The following MIDEAS variants were observed in gnomAD, a reference collection of about 807,000 sequenced individuals.
The protein encoded by MIDEAS is mitotic deacetylase associated SANT domain protein.
MIDEAS carries 26 observed loss-of-function variants against 102.7 expected under a neutral mutation model. The observed-to-expected ratio is 0.25, with a 90% CI of 0.19 to 0.35. The LOEUF (loss-of-function observed/expected upper bound fraction) is 0.35, where lower values mean the gene tolerates loss of function less well. MIDEAS is among the 10% of genes least tolerant of loss of function. The probability of loss-of-function intolerance (pLI) is 1.00; values close to 1 mark genes in which losing one functional copy is unlikely to be tolerated. For missense variants in MIDEAS, 1,231 were observed against 1,435.6 expected, an observed-to-expected ratio of 0.86 and a Z score of 2.30; for synonymous variants, 585 against 591.0, an observed-to-expected ratio of 0.99 and a Z score of 0.15.
rs2053736467 is a variant in MIDEAS at position 73,779,939 on chromosome 14, C to T, written c.-248+7163G>A. Reference sequence around the variant, plus strand: ...CCAGGCTGGAGTGCAGTGGCACCATCTCAGCTCACTGCAAGCTCCTCCTCC... The same window carrying T: ...CCAGGCTGGAGTGCAGTGGCACCATTTCAGCTCACTGCAAGCTCCTCCTCC... On this transcript the variant is annotated intron_variant, in intron 1 of 11. Transcript: ENST00000394071. 2.0e-5 allele frequency among the ~76,000 whole-genome samples: 3 copies of T among 149,536 alleles called. 1 individual carries two copies. The Admixed American group carries it at 2.0e-4, about 10-fold the overall frequency.
At chr14:73,780,371 C>G (rs2053743899) in intron 1 of MIDEAS, among the ~76,000 whole-genome samples, 1 of 152,136 alleles carries the variant, frequency 6.6e-6, no homozygotes, top group African/African-American at 2.4e-5. Context: ...CTGTGCTGAC[C>G]ACAAGCATTT....
At position 73,715,448 on chromosome 14, in the gene MIDEAS, A is replaced by G. The variant is rs1393170702; in HGVS notation, c.*3395T>C. On this transcript the variant is annotated 3_prime_UTR_variant, in exon 13 of 13. Transcript: ENST00000423556. ...ATATACTTATTTATATGCTATTAAA[A>G]TATCTGTACAATAATTACAGACTGT... 6.6e-6 allele frequency: 1 copy of G among 152,636 alleles called. No individual in the cohort carries two copies. Among genetic ancestry groups the G allele is most frequent in the African/African-American group, 2.4e-5 (1 of 41,468 alleles). The allele number at this position is 152,636 out of a possible 1,614,324, so 9.5% of individuals were successfully genotyped here.
At chr14:73,736,526 G>A (rs143323973) in intron 3 of MIDEAS, among the ~76,000 whole-genome samples, 17 of 152,062 alleles carry the variant, frequency 1.1e-4, no homozygotes, top group Non-Finnish European at 2.1e-4. Flanking sequence ...AGCTACTCGG[G>A]AGGCTGAGGC....
Position 73,777,802 on chromosome 14 carries a change from G to A in MIDEAS, c.-248+9300C>T, listed in dbSNP as rs535437614. 5.9e-5 allele frequency among the ~76,000 whole-genome samples: 9 copies of A among 152,080 alleles called. No individual in the cohort carries two copies. The South Asian group carries it at 8.3e-4, about 14-fold the overall frequency. On this transcript the variant is annotated intron_variant, in intron 1 of 11. Coordinates refer to the MIDEAS transcript ENST00000394071. The stretch of plus-strand genomic sequence containing the variant: ...CCTGACATGCCTCTCTCTCCTGGCC[G>A]TGGTAGAAGTGGCCAGTCCTCTCCT...
rs760871901 is a variant in MIDEAS at position 73,740,053 on chromosome 14, C to T, written c.-45G>A. 8.4e-6 allele frequency: 12 copies of T among 1,426,060 alleles called. No individual in the cohort carries two copies. The highest frequency in any genetic ancestry group is 2.6e-5 in the Admixed American group (1 of 38,516). The allele number at this position is 1,426,060 out of a possible 1,614,324, so 88.3% of individuals were successfully genotyped here. ...TGGCGGTGAGATCCCCTTCAACAGT[C>T]GCCCATCCCCTGGGGAAACGTCCTG... is the stretch of plus-strand genomic sequence containing the variant. On this transcript the variant is annotated 5_prime_UTR_variant, in exon 2 of 13. Transcript: ENST00000423556.
At chr14:73,721,631 C>T in intron 10 of MIDEAS, 122 bp from the exon 11 acceptor site, 1 of 831,690 alleles carries the variant, frequency 1.2e-6, no homozygotes, top group Non-Finnish European at 2.0e-6. Context: ...GCTGGCCCAG[C>T]ATAGTCTTCT....
chr14:73,766,344 T>C (rs770413572), intron 1 of MIDEAS, among the ~76,000 whole-genome samples: 5 of 152,216 alleles, frequency 3.3e-5, no homozygotes, highest in Non-Finnish European at 7.3e-5. Context: ...TGAATGCCTG[T>C]TGATAAATGC....
chr14:73,759,270 A>G lies in MIDEAS; in HGVS notation c.-248+493T>C, dbSNP rs1017522393. ...GGCAGGGGAAGGGGCTCCCGCGCCA[A>G]GTTCCCTCAGCTGGCTAGCCCCTCG... On this transcript the variant is annotated intron_variant, in intron 1 of 12. Coordinates refer to ENST00000423556, the MANE Select transcript of MIDEAS (RefSeq NM_001367710.1). This position sits in a 1 kb window ranked among gnomAD's most constrained non-coding sequence, Gnocchi z 6.7. Among the ~76,000 whole-genome samples, 3 of 152,110 alleles carry G rather than the reference A, an allele frequency of 2.0e-5. No homozygotes were observed. Among genetic ancestry groups the G allele is most frequent in the African/African-American group, 7.2e-5 (3 of 41,442 alleles).
intron 1 of MIDEAS, among the ~76,000 whole-genome samples, chr14:73,749,907 C>T (rs977989401): frequency 1.3e-5 from 2 of 152,198 alleles, no homozygotes; most frequent in African/African-American, 4.8e-5. Flanking sequence ...TGGGTATCCC[C>T]TCTCCCAGAC....
upstream of MIDEAS, among the ~76,000 whole-genome samples, chr14:73,763,275 C>T (rs576396567): frequency 1.3e-5 from 2 of 152,134 alleles, no homozygotes; most frequent in Non-Finnish European, 2.9e-5. Context: ...GAGGTCAAGG[C>T]TGCAGTGAGT....
chr14:73,779,663 C>T (rs1211096080), intron 1 of MIDEAS, among the ~76,000 whole-genome samples: 3 of 143,152 alleles, frequency 2.1e-5, no homozygotes, highest in Non-Finnish European at 4.6e-5. Flanking sequence ...CTGCAAGCTC[C>T]GCTTCCCGGG....
At chr14:73,754,594 T>C (rs2053458688) in intron 1 of MIDEAS, among the ~76,000 whole-genome samples, 1 of 152,164 alleles carries the variant, frequency 6.6e-6, no homozygotes, top group African/African-American at 2.4e-5. Context: ...TCACCACCTC[T>C]CGGCTTCCCC....
upstream of MIDEAS, among the ~76,000 whole-genome samples, chr14:73,764,320 A>ACAG (rs2053575654): frequency 6.8e-6 from 1 of 147,592 alleles, no homozygotes; most frequent in Non-Finnish European, 1.5e-5. Context: ...AGCCTGGGCA[A>ACAG]CAGAGGGAGA....
rs554877068 is a variant in MIDEAS, at chr14:73,770,341, C to T, written c.-248+16761G>A. On this transcript the variant is annotated intron_variant, in intron 1 of 11. Coordinates refer to the MIDEAS transcript ENST00000394071. ...ATCAAGATGATTTATATAACAGTAA[C>T]GACGGTGATGATGATGATGACGATG... is the stretch of plus-strand genomic sequence containing the variant. Among the ~76,000 whole-genome samples the T allele has an allele frequency of 1.0e-4, 15 of 148,014 alleles. No homozygotes were observed. In the South Asian group the frequency reaches 3.4e-3, roughly 33 times the overall value.
Position 73,759,888 on chromosome 14 carries a change from G to T in MIDEAS, c.-373C>A, listed in dbSNP as rs1440652871. 1 of 151,914 alleles carries T rather than the reference G, an allele frequency of 6.6e-6. No homozygotes were observed. The highest frequency in any genetic ancestry group is 6.6e-5 in the Admixed American group (1 of 15,254). The allele number at this position is 151,914 out of a possible 1,614,324, so 9.4% of individuals were successfully genotyped here. A position where few individuals can be genotyped will look rare whatever the true frequency, so the allele number is the denominator to read the frequency against. On this transcript the variant is annotated 5_prime_UTR_variant, in exon 1 of 13. Transcript: ENST00000423556. The surrounding 1 kb of genome is among the most constrained non-coding windows in gnomAD (Gnocchi z 6.7). The stretch of plus-strand genomic sequence containing the variant: ...CTCCCGATTTTAAAAACAAACAGGC[G>T]CCGTCGCCTCCCCGCGGCGCTCGCG...
upstream of MIDEAS, among the ~76,000 whole-genome samples, chr14:73,788,110 T>G (rs1415549424): frequency 2.6e-5 from 4 of 151,080 alleles, no homozygotes; most frequent in African/African-American, 7.3e-5. Context: ...GAAGAACTCC[T>G]GATCTCATAA....
At chr14:73,757,033 G>C (rs2053492085) in intron 1 of MIDEAS, among the ~76,000 whole-genome samples, 1 of 151,976 alleles carries the variant, frequency 6.6e-6, no homozygotes, top group South Asian at 2.1e-4. Context: ...AGCACTTTGG[G>C]AGGCCAAAGT....
At chr14:73,745,795 C>T (rs1021529629) in intron 1 of MIDEAS, among the ~76,000 whole-genome samples, 1 of 152,220 alleles carries the variant, frequency 6.6e-6, no homozygotes, top group African/African-American at 2.4e-5. Flanking sequence ...GGTTTGCAAA[C>T]AAGGAGGCTC....
At chr14:73,766,129 G>A (rs1167703255) in intron 1 of MIDEAS, among the ~76,000 whole-genome samples, 3 of 152,180 alleles carry the variant, frequency 2.0e-5, no homozygotes, top group Admixed American at 1.3e-4. Flanking sequence ...GGACCAGACA[G>A]CCACTCTGTT....
Sources: allele counts gnomAD v4.1 joint callset (sites outside exome capture counted in the v4.1 genomes callset), GRCh38; gene constraint gnomAD v4.1.1; non-coding constraint Gnocchi (gnomAD v3.1); transcripts MANE v1.5; gene names NCBI Gene and HGNC (gene_info 2026-07-23, HGNC 2026-07-21).